Variants in KIF21B observed in about 807,000 individuals in gnomAD.
The protein encoded by KIF21B is kinesin-like protein KIF21B.
Under a neutral mutation model 192.9 loss-of-function variants are expected in KIF21B, and 85 were observed. The observed-to-expected ratio is 0.44, with a 90% confidence interval of 0.37 to 0.53. The LOEUF (loss-of-function observed/expected upper bound fraction) is 0.53, where lower values mean the gene tolerates loss of function less well. Among genes scored for constraint, KIF21B ranks in the 20% least tolerant of loss-of-function variants. The pLI, the probability that KIF21B is intolerant of heterozygous loss-of-function variation, is 0.00. For missense variants in KIF21B, 1,716 were observed against 2,194.8 expected, an observed-to-expected ratio of 0.78 and a Z score of 4.36; for synonymous variants, 832 against 884.6, an observed-to-expected ratio of 0.94 and a Z score of 1.05.
Position 201,000,319 on chromosome 1 carries a change from T to TTGGGG in KIF21B, c.1685+70_1685+71insCCCCA, listed in dbSNP as rs1417677574. The TTGGGG allele has an allele frequency of 4.5e-5, 64 of 1,425,896 alleles. No homozygotes were observed. The East Asian group carries it at 1.5e-3, about 33-fold the overall frequency. 88.3% of individuals were successfully genotyped at this position (1,425,896 alleles called of 1,614,324 possible). A position where few individuals can be genotyped will look rare whatever the true frequency, so the allele number is the denominator to read the frequency against. On this transcript the variant is annotated intron_variant, in intron 11 of 34. Transcript: ENST00000461742. This position sits in a 1 kb window ranked among gnomAD's most constrained non-coding sequence, Gnocchi z 6.0. ...CCTAAACACTGGTGGGCAGCAGTCC[T>TTGGGG]CCTTGGGGACGGGCAGGGTCCACTG...
rs916618813 is a variant in KIF21B, at chr1:201,023,273, C to T, written c.41+70G>A. 2 of 1,375,706 alleles carry T rather than the reference C, an allele frequency of 1.5e-6. No individual in the cohort carries two copies. Among genetic ancestry groups the T allele is most frequent in the Non-Finnish European group, 9.8e-7 (1 of 1,024,744 alleles). The allele number at this position is 1,375,706 out of a possible 1,614,324, so 85.2% of individuals were successfully genotyped here. A position where few individuals can be genotyped will look rare whatever the true frequency, so the allele number is the denominator to read the frequency against. ...CAGCCCAAGCGGTGCTCGCGCCCCC[C>T]GCCCAAAGCCCACGCGAGACAAAGC... On this transcript the variant is annotated intron_variant, in intron 1 of 34. Coordinates refer to ENST00000461742, the MANE Select transcript of KIF21B (RefSeq NM_001252102.2). The surrounding 1 kb of genome is among the most constrained non-coding windows in gnomAD (Gnocchi z 5.9).
chr1:200,973,612 C>G, intron 34 of KIF21B, 34 bp from the exon 35 acceptor site: 1 of 1,523,576 alleles, frequency 6.6e-7, no homozygotes, highest in East Asian at 2.5e-5. Context: ...GGGTGCCGGT[C>G]AGCTCTTGCA....
rs2102354887 is a variant in KIF21B, at chr1:200,969,402, G to C, written c.*4119C>G. On this transcript the variant is annotated 3_prime_UTR_variant, in exon 35 of 35. Coordinates refer to ENST00000461742, the MANE Select transcript of KIF21B (RefSeq NM_001252102.2). Reference sequence around the variant, plus strand: ...ACCTCCACAGACATTGGTCATTCAGGTTTTATTTATGACAACTTCTTAGAA... The same window carrying C: ...ACCTCCACAGACATTGGTCATTCAGCTTTTATTTATGACAACTTCTTAGAA... 6.5e-6 allele frequency: 1 copy of C among 152,808 alleles called. No individual in the cohort carries two copies. The highest frequency in any genetic ancestry group is 3.4e-3 in the Middle Eastern group (1 of 294). The allele number at this position is 152,808 out of a possible 1,614,324, so 9.5% of individuals were successfully genotyped here.
chr1:200,998,488 C>T lies in KIF21B; in HGVS notation c.1973G>A (p.Arg658Gln), dbSNP rs145622369. Residue 658 changes from arginine (R) to glutamine (Q), a missense_variant, in exon 14 of 35, where the codon CGG (arginine) becomes CAG (glutamine). By Grantham distance (43) the Arg-to-Gln change is conservative. This residue lies in a region of KIF21B where 1,087 missense variants were observed against 1,316.6 expected (regional missense o/e 0.83). Transcript: ENST00000461742. This position sits in a 1 kb window ranked among gnomAD's most constrained non-coding sequence, Gnocchi z 4.3. The stretch of plus-strand genomic sequence containing the variant: ...CTGGTGCTTGAGCGTCTGCAACCGC[C>T]GCTGGCTGTTCTCCAGCTCGTCGAT... Reference protein sequence around the residue: ...KLIDELENSQRRLQTLKHQYE... With the variant: ...KLIDELENSQQRLQTLKHQYE... 10 of 1,614,076 alleles carry T rather than the reference C, an allele frequency of 6.2e-6. No individual in the cohort carries two copies. The highest frequency in any genetic ancestry group is 2.7e-5 in the African/African-American group (2 of 75,028).
chr1:200,991,222 G>T, intron 17 of KIF21B, 73 bp from the exon 18 acceptor site: 2 of 1,249,922 alleles, frequency 1.6e-6, no homozygotes, highest in Non-Finnish European at 2.3e-6. Context: ...GCCCAGGTTG[G>T]GGTGCCGGGC....
At position 201,000,286 on chromosome 1, in the gene KIF21B, G is replaced by A. The variant is rs2102437177; in HGVS notation, c.1685+104C>T. ...CAGCCCCTGGGGCTGGGGGCGTGGA[G>A]GTTCCCTCCTAAACACTGGTGGGCA... On this transcript the variant is annotated intron_variant, in intron 11 of 34. Coordinates refer to ENST00000461742, the MANE Select transcript of KIF21B (RefSeq NM_001252102.2). The surrounding 1 kb of genome is among the most constrained non-coding windows in gnomAD (Gnocchi z 6.0). The A allele has an allele frequency of 1.7e-6, 2 of 1,197,762 alleles. No homozygotes were observed. Among genetic ancestry groups the A allele is most frequent in the Non-Finnish European group, 2.3e-6 (2 of 858,380 alleles). 74.2% of individuals were successfully genotyped at this position (1,197,762 alleles called of 1,614,324 possible).
intron 3 of KIF21B, among the ~76,000 whole-genome samples, chr1:201,006,967 C>T (rs1454148218): frequency 7.0e-6 from 1 of 142,764 alleles, no homozygotes; most frequent in African/African-American, 2.7e-5. Flanking sequence ...CACACACAGA[C>T]ACCCACTCAC....
At position 200,973,437 on chromosome 1, in the gene KIF21B, C is replaced by T. The variant is rs1261689302; in HGVS notation, c.*84G>A. 5 of 1,370,522 alleles carry T rather than the reference C, an allele frequency of 3.6e-6. No homozygotes were observed. The East Asian group carries it at 1.5e-4, about 42-fold the overall frequency. The allele number at this position is 1,370,522 out of a possible 1,614,324, so 84.9% of individuals were successfully genotyped here. A position where few individuals can be genotyped will look rare whatever the true frequency, so the allele number is the denominator to read the frequency against. ...GCCCTCTGTCCCCAGAGCAGCTGGC[C>T]CCATCGGCCGGGTCACAGCTTCCCT... On this transcript the variant is annotated 3_prime_UTR_variant, in exon 35 of 35. Transcript: ENST00000461742.
chr1:201,012,180 C>T (rs1353687155), intron 1 of KIF21B, among the ~76,000 whole-genome samples: 1 of 152,150 alleles, frequency 6.6e-6, no homozygotes, highest in Non-Finnish European at 1.5e-5. Flanking sequence ...AAAGAGACGT[C>T]CAGCCCAATG....
intron 8 of KIF21B, chr1:201,002,603 T>C (rs150317629): frequency 8.6e-5 from 42 of 486,820 alleles, no homozygotes; most frequent in Non-Finnish European, 1.3e-4. Flanking sequence ...ACAATCTTAC[T>C]TGACCTAACT....
In KIF21B at chr1:201,023,371, C is replaced by G. The variant is rs1658979473; in HGVS notation, c.13G>C (p.Gly5Arg). 1.3e-6 allele frequency: 2 copies of G among 1,527,894 alleles called. No individual in the cohort carries two copies. Among genetic ancestry groups the G allele is most frequent in the African/African-American group, 1.4e-5 (1 of 69,876 alleles). 94.6% of individuals were successfully genotyped at this position (1,527,894 alleles called of 1,614,324 possible). Residue 5 changes from glycine (G) to arginine (R), a missense_variant, in exon 1 of 35, where the codon GGG becomes CGG. Around this residue, in one of 3 missense-constraint regions of KIF21B, gnomAD observed 1,087 missense variants for 1,316.6 expected, o/e 0.83. Coordinates refer to ENST00000461742, the MANE Select transcript of KIF21B (RefSeq NM_001252102.2). The surrounding 1 kb of genome is among the most constrained non-coding windows in gnomAD (Gnocchi z 5.9). ...ACGGCCACCTTGACGCAGCAGTCCC[C>G]CTGGCCGGCCATGGCCCTCTGGAGC... is the stretch of plus-strand genomic sequence containing the variant. Reference protein sequence around the residue: MAGQGDCCVKVAVRI... With the variant: MAGQRDCCVKVAVRI...
At chr1:200,979,184 C>T (rs974187082) in intron 30 of KIF21B, among the ~76,000 whole-genome samples, 38 of 152,314 alleles carry the variant, frequency 2.5e-4, no homozygotes, top group African/African-American at 8.7e-4. Flanking sequence ...GTCGCCTACA[C>T]AGGCAGTGGC....
chr1:201,004,260 G>T, intron 7 of KIF21B, 80 bp downstream of exon 7: 2 of 1,201,438 alleles, frequency 1.7e-6, no homozygotes, highest in Non-Finnish European at 2.4e-6. Context: ...GGGCAGGCTT[G>T]CGCCATACCC....
At chr1:201,007,373 G>GACAC (rs1374312365) in intron 3 of KIF21B, among the ~76,000 whole-genome samples, 1 of 42,318 alleles carries the variant, frequency 2.4e-5, no homozygotes, top group Admixed American at 1.9e-4. Flanking sequence ...CACACACACA[G>GACAC]AGACAGAGAC....
Position 200,973,397 on chromosome 1 carries a change from A to G in KIF21B, c.*124T>C. The G allele has an allele frequency of 8.3e-7, 1 of 1,209,144 alleles. No homozygotes were observed. Among genetic ancestry groups the G allele is most frequent in the Non-Finnish European group, 1.1e-6 (1 of 927,032 alleles). The allele number at this position is 1,209,144 out of a possible 1,614,324, so 74.9% of individuals were successfully genotyped here. A position where few individuals can be genotyped will look rare whatever the true frequency, so the allele number is the denominator to read the frequency against. On this transcript the variant is annotated 3_prime_UTR_variant, in exon 35 of 35. Coordinates refer to ENST00000461742, the MANE Select transcript of KIF21B (RefSeq NM_001252102.2). ...AAGGCCAAGGGAGAGGGAGGAGGGC[A>G]GGAGAGGGGGCCACGCCCTCTGTCC... is the stretch of plus-strand genomic sequence containing the variant.
rs531738099 is a variant in KIF21B, at chr1:200,975,804, C to T, written c.4444-135G>A. 62 of 849,642 alleles carry T rather than the reference C, an allele frequency of 7.3e-5. No individual in the cohort carries two copies. Among genetic ancestry groups the T allele is most frequent in the Admixed American group, 3.7e-4 (12 of 32,376 alleles). The allele number at this position is 849,642 out of a possible 1,614,324, so 52.6% of individuals were successfully genotyped here. ...AGCCACTGCCCTCTGGGGAGAGGAG[C>T]TTCCCAGCAGGCGAGGGTTCCTGGA... On this transcript the variant is annotated intron_variant, in intron 32 of 34. Transcript: ENST00000461742. This position sits in a 1 kb window ranked among gnomAD's most constrained non-coding sequence, Gnocchi z 4.3.
chr1:200,972,121 G>C lies in KIF21B; in HGVS notation c.*1400C>G, dbSNP rs948329588. ...CCCAAGGCCCACTCCTGTAATTCCA[G>C]AGTTCCCCCAACAGGGGGCGCCAGA... On this transcript the variant is annotated 3_prime_UTR_variant, in exon 35 of 35. Transcript: ENST00000461742. 4 of 152,200 alleles carry C rather than the reference G, an allele frequency of 2.6e-5. No individual in the cohort carries two copies. Among genetic ancestry groups the C allele is most frequent in the East Asian group, 1.9e-4 (1 of 5,278 alleles). The allele number at this position is 152,200 out of a possible 1,614,324, so 9.4% of individuals were successfully genotyped here.
chr1:201,021,880 C>T (rs1658848964), intron 1 of KIF21B, among the ~76,000 whole-genome samples: 1 of 152,142 alleles, frequency 6.6e-6, no homozygotes, highest in African/African-American at 2.4e-5. Context: ...ACATTTCTCA[C>T]TCCCACCCCC....
chr1:201,014,596 A>C (rs1253791364), intron 1 of KIF21B, among the ~76,000 whole-genome samples: 6 of 152,190 alleles, frequency 3.9e-5, no homozygotes, highest in Admixed American at 3.9e-4. Flanking sequence ...CCTCATCCCC[A>C]ACCTGGTCCT....
Sources: gnomAD v4.1 joint callset for allele counts (sites outside exome capture counted in the v4.1 genomes callset) on GRCh38, gnomAD v4.1.1 for gene constraint, gnomAD v4.1.1 regional missense constraint, Gnocchi (gnomAD v3.1) non-coding constraint, MANE v1.5 for transcripts, NCBI Gene and HGNC (gene_info 2026-07-23, HGNC 2026-07-21) for gene names.